Variants in LRRD1 observed in about 807,000 individuals in gnomAD.
The protein encoded by LRRD1 is leucine-rich repeat and death domain-containing protein 1.
In LRRD1, 49 loss-of-function variants were observed where a neutral mutation model predicts 69.5. That is an observed-to-expected ratio of 0.70 (90% confidence interval 0.56 to 0.89). The LOEUF is 0.89. Among genes scored for constraint, LRRD1 ranks in the 40% least tolerant of loss-of-function variants. The pLI, the probability that LRRD1 is intolerant of heterozygous loss-of-function variation, is 0.00. For synonymous variants in LRRD1, 303 were observed against 338.9 expected, an observed-to-expected ratio of 0.89 and a Z score of 1.16; for missense variants, 853 against 956.0, an observed-to-expected ratio of 0.89 and a Z score of 1.42.
intron 1 of LRRD1, among the ~76,000 whole-genome samples, chr7:92,170,555 G>A (rs1317993749): frequency 2.6e-5 from 4 of 152,136 alleles, no homozygotes; most frequent in East Asian, 1.9e-4. Flanking sequence ...ATACAATAAA[G>A]GCGTTCTAAT....
At chr7:92,178,540 C>T (rs1217970517) in intron 1 of LRRD1, among the ~76,000 whole-genome samples, 1 of 150,796 alleles carries the variant, frequency 6.6e-6, no homozygotes, top group Non-Finnish European at 1.5e-5. Flanking sequence ...CGTGGCGGCG[C>T]GCGCCTGTAA....
chr7:92,174,510 T>TATATATA (rs1491100533), intron 1 of LRRD1, among the ~76,000 whole-genome samples: 2 of 12,586 alleles, frequency 1.6e-4, no homozygotes, highest in Non-Finnish European at 2.5e-4. Flanking sequence ...TATATATATA[T>TATATATA]TTTTTTTTTT....
At chr7:92,149,362 G>A (rs1820410398) in intron 4 of LRRD1, among the ~76,000 whole-genome samples, 2 of 152,150 alleles carry the variant, frequency 1.3e-5, no homozygotes, top group African/African-American at 2.4e-5. Context: ...ATAACTGATT[G>A]TTCTCTTGCA....
intron 3 of LRRD1, among the ~76,000 whole-genome samples, chr7:92,153,014 G>T (rs761818211): frequency 6.6e-6 from 1 of 151,692 alleles, no homozygotes; most frequent in African/African-American, 2.4e-5. Context: ...TAGTTAATTT[G>T]CATTTCTCTA....
At chr7:92,175,247 T>C (rs1197001927) in intron 1 of LRRD1, among the ~76,000 whole-genome samples, 1 of 152,228 alleles carries the variant, frequency 6.6e-6, no homozygotes, top group Non-Finnish European at 1.5e-5. Flanking sequence ...TTCAATTTTA[T>C]GGTTTTTTGC....
At chr7:92,157,330 T>TATGATATC (rs1788682874) in intron 3 of LRRD1, among the ~76,000 whole-genome samples, 1 of 152,102 alleles carries the variant, frequency 6.6e-6, no homozygotes, top group Admixed American at 6.5e-5. Context: ...TTGGTCACAA[T>TATGATATC]ATGATATCAT....
intron 1 of LRRD1, among the ~76,000 whole-genome samples, chr7:92,169,852 T>C (rs1789010204): frequency 6.6e-6 from 1 of 151,170 alleles, no homozygotes; most frequent in Non-Finnish European, 1.5e-5. Context: ...GGAGGATTGC[T>C]TGAGGCCAGG....
At chr7:92,152,773 C>T (rs1009146970) in intron 3 of LRRD1, among the ~76,000 whole-genome samples, 38 of 151,688 alleles carry the variant, frequency 2.5e-4, no homozygotes, top group African/African-American at 8.5e-4. Context: ...CGGGTTCAAG[C>T]AATTCTTCTG....
At chr7:92,145,502 C>T (rs1235137259) in intron 5 of LRRD1, among the ~76,000 whole-genome samples, 2 of 147,894 alleles carry the variant, frequency 1.4e-5, no homozygotes, top group African/African-American at 5.0e-5. Flanking sequence ...TGCAGTAGCA[C>T]GATCTCAACT....
At chr7:92,150,196 T>G (rs1444716300) in intron 4 of LRRD1, among the ~76,000 whole-genome samples, 3 of 152,232 alleles carry the variant, frequency 2.0e-5, no homozygotes, top group Non-Finnish European at 4.4e-5. Context: ...CTTGGTGTGG[T>G]GGCTCACGCC....
At chr7:92,174,510 T>TATGTATATATATA (rs1491100533) in intron 1 of LRRD1, among the ~76,000 whole-genome samples, 6 of 12,610 alleles carry the variant, frequency 4.8e-4, no homozygotes, top group Admixed American at 1.2e-3. Context: ...TATATATATA[T>TATGTATATATATA]TTTTTTTTTT....
At chr7:92,171,300 AAAG>A (rs1789051988) in intron 1 of LRRD1, among the ~76,000 whole-genome samples, 1 of 152,098 alleles carries the variant, frequency 6.6e-6, no homozygotes, top group Non-Finnish European at 1.5e-5. Context: ...TAAGAAAAAA[AAAG>A]AAGACCCAAA....
Position 92,164,747 on chromosome 7 carries a change from A to T in LRRD1, c.456T>A (p.Gly152=), listed in dbSNP as rs2131009384. The T allele has an allele frequency of 2.6e-6, 4 of 1,550,906 alleles. No homozygotes were observed. The East Asian group carries it at 9.8e-5, about 38-fold the overall frequency. Residue 152 remains glycine (G), a synonymous_variant, in exon 2 of 6, where the codon GGT becomes GGA. Coordinates refer to ENST00000458448, the MANE Select transcript of LRRD1 (RefSeq NM_001161528.2). ...AAATGTCCTTAGGAAATTCCTGTAA[A>T]CCCTTGGCCTCAAGGTTAACTGTAA... ...DNFTVNLEAK[G]LQEFPKDILK...
downstream of LRRD1, chr7:92,142,531 C>T (rs985924986): frequency 1.3e-5 from 6 of 456,518 alleles, no homozygotes; most frequent in East Asian, 2.8e-4. Flanking sequence ...AATGGCCTGG[C>T]TTAAGTCAAA....
downstream of LRRD1, among the ~76,000 whole-genome samples, chr7:92,143,448 G>T (rs922818286): frequency 6.6e-6 from 1 of 152,162 alleles, no homozygotes; most frequent in Non-Finnish European, 1.5e-5. Context: ...GGCTCTGGCC[G>T]CACAGGAGCC....
At chr7:92,177,158 C>T (rs1789215997) in intron 1 of LRRD1, among the ~76,000 whole-genome samples, 1 of 150,814 alleles carries the variant, frequency 6.6e-6, no homozygotes, top group African/African-American at 2.4e-5. Flanking sequence ...AATCTGGTCA[C>T]ATTATATTAC....
At chr7:92,158,947 A>T in intron 3 of LRRD1, 58 bp downstream of exon 3, 1 of 1,397,924 alleles carries the variant, frequency 7.2e-7, no homozygotes, top group Non-Finnish European at 9.6e-7. Flanking sequence ...AAAATTTGCA[A>T]CTCAGACATT....
chr7:92,146,991 C>T (rs1343667464), intron 4 of LRRD1, among the ~76,000 whole-genome samples: 3 of 150,884 alleles, frequency 2.0e-5, no homozygotes, highest in Non-Finnish European at 4.4e-5. Context: ...AAACATTTGA[C>T]ATTTGTTCCA....
At chr7:92,154,963 AT>A (rs1476012228) in intron 3 of LRRD1, among the ~76,000 whole-genome samples, 1 of 152,196 alleles carries the variant, frequency 6.6e-6, no homozygotes, top group Non-Finnish European at 1.5e-5. Context: ...AGCACTTATC[AT>A]GCACTGTGGC....
Sources: allele counts gnomAD v4.1 joint callset (sites outside exome capture counted in the v4.1 genomes callset), GRCh38; gene constraint gnomAD v4.1.1; transcripts MANE v1.5; gene names NCBI Gene and HGNC (gene_info 2026-07-23, HGNC 2026-07-21).